LHX8: variants seen among roughly 807,000 people sequenced by gnomAD.
LHX8 encodes LIM/homeobox protein Lhx8.
Under a neutral mutation model 40.3 loss-of-function variants are expected in LHX8, and 12 were observed. The ratio of observed to expected loss-of-function variants is 0.30; its 90% CI spans 0.19 to 0.48. The LOEUF is 0.48. LHX8 is among the 20% of genes least tolerant of loss of function. The pLI is 0.99. For missense variants in LHX8, 344 were observed against 433.7 expected, an observed-to-expected ratio of 0.79 and a Z score of 1.84; for synonymous variants, 179 against 162.0, an observed-to-expected ratio of 1.10 and a Z score of -0.80.
At chr1:75,163,178 A>C (rs972638876), downstream of LHX8, among the ~76,000 whole-genome samples, 12 of 152,138 alleles carry the variant, frequency 7.9e-5, no homozygotes, top group African/African-American at 2.9e-4. Context: ...ATTCCACATC[A>C]CTCGTTGTAA....
chr1:75,140,492 A>G (rs1526501), intron 3 of LHX8, among the ~76,000 whole-genome samples: 152,234 of 152,280 alleles, frequency 1, 76,094 homozygotes, highest in Middle Eastern at 1. Context: ...ATAAACCTGC[A>G]TTTTCACTTT....
the LHX8 span, among the ~76,000 whole-genome samples, chr1:75,195,230 G>T: frequency 1.3e-5 from 2 of 152,114 alleles, no homozygotes; most frequent in African/African-American, 2.4e-5. Context: ...GGCAGGTGTT[G>T]TCCCAGTTTT....
rs991346386 is a variant in LHX8, at chr1:75,134,862, T to A, written c.-105T>A. 3.1e-6 allele frequency: 3 copies of A among 973,716 alleles called. No homozygotes were observed. The African/African-American group carries it at 5.3e-5, about 17-fold the overall frequency. The allele number at this position is 973,716 out of a possible 1,614,324, so 60.3% of individuals were successfully genotyped here. ...ACGTAGTAGCGTTAGTCAGTAATCA[T>A]TGCACTCCCTCCCCAAAAGCTCACT... On this transcript the variant is annotated 5_prime_UTR_variant, in exon 1 of 9. The change creates a new upstream start codon in the 5' untranslated region. Transcript: ENST00000356261.
the LHX8 span, among the ~76,000 whole-genome samples, chr1:75,172,348 T>C: frequency 3.3e-5 from 5 of 152,198 alleles, no homozygotes; most frequent in Admixed American, 6.5e-5. Context: ...AAATAGGAGA[T>C]TTCAAAAGAG....
chr1:75,130,617 T>A, upstream of LHX8: 1 of 1,133,460 alleles, frequency 8.8e-7, no homozygotes, highest in East Asian at 2.3e-5. Flanking sequence ...ACCCCTCTCT[T>A]ACCCTCAGAA....
chr1:75,182,150 T>C, the LHX8 span, among the ~76,000 whole-genome samples: 3 of 152,190 alleles, frequency 2.0e-5, no homozygotes, highest in Non-Finnish European at 4.4e-5. Flanking sequence ...TTTAAGTCTT[T>C]GGTCCATCAT....
the LHX8 span, among the ~76,000 whole-genome samples, chr1:75,190,947 T>C: frequency 6.6e-6 from 1 of 152,190 alleles, no homozygotes; most frequent in Non-Finnish European, 1.5e-5. Context: ...GATAGTTACA[T>C]GACTCTGTTT....
chr1:75,137,952 A>T (rs2100333369), intron 3 of LHX8, among the ~76,000 whole-genome samples: 1 of 152,344 alleles, frequency 6.6e-6, no homozygotes, highest in South Asian at 2.1e-4. Context: ...TGCTGTTGTT[A>T]CATCATCTTG....
At chr1:75,179,956 T>A in the LHX8 span, among the ~76,000 whole-genome samples, 1 of 152,168 alleles carries the variant, frequency 6.6e-6, no homozygotes, top group Admixed American at 6.5e-5. Flanking sequence ...TGAAGCTTAG[T>A]TTAGCTGGAT....
chr1:75,182,324 T>C, the LHX8 span, among the ~76,000 whole-genome samples: 1 of 152,116 alleles, frequency 6.6e-6, no homozygotes, highest in Non-Finnish European at 1.5e-5. Flanking sequence ...TTTAGCTTTA[T>C]TTCTAGGTTC....
chr1:75,172,068 C>T, the LHX8 span, among the ~76,000 whole-genome samples: 2 of 152,116 alleles, frequency 1.3e-5, no homozygotes, highest in South Asian at 4.1e-4. Flanking sequence ...CCAAAGCTTC[C>T]CCCATCTTTC....
At chr1:75,143,377 A>G in intron 5 of LHX8, 39 bp downstream of exon 5, 2 of 1,445,906 alleles carry the variant, frequency 1.4e-6, no homozygotes, top group Non-Finnish European at 1.9e-6. Flanking sequence ...CTTTTGAGAC[A>G]GTGAATACAG....
At chr1:75,198,502 A>G in the LHX8 span, among the ~76,000 whole-genome samples, 1 of 152,156 alleles carries the variant, frequency 6.6e-6, no homozygotes. Context: ...GGCTTGCTTC[A>G]GTTGTCAGTT....
upstream of LHX8, chr1:75,130,562 G>A (rs544622897): frequency 2.6e-6 from 2 of 776,882 alleles, no homozygotes; most frequent in East Asian, 4.9e-5. Flanking sequence ...CCCAGACGGA[G>A]GCCCTCGCCC....
chr1:75,178,242 G>A, the LHX8 span, among the ~76,000 whole-genome samples: 10 of 152,170 alleles, frequency 6.6e-5, no homozygotes, highest in Non-Finnish European at 1.0e-4. Context: ...TAGTTTAGAA[G>A]GAATGGTACC....
the LHX8 span, among the ~76,000 whole-genome samples, chr1:75,168,195 G>T: frequency 6.6e-6 from 1 of 152,144 alleles, no homozygotes; most frequent in African/African-American, 2.4e-5. Flanking sequence ...GGCCAGAATG[G>T]TCGGATAGGT....
the LHX8 span, among the ~76,000 whole-genome samples, chr1:75,168,291 C>T: frequency 2.0e-5 from 3 of 151,832 alleles, no homozygotes; most frequent in South Asian, 2.1e-4. Flanking sequence ...GGTGTGGTCT[C>T]GGCTCACTGC....
the LHX8 span, among the ~76,000 whole-genome samples, chr1:75,184,842 T>A: frequency 3.4e-5 from 5 of 145,794 alleles, no homozygotes; most frequent in African/African-American, 5.0e-5. Flanking sequence ...TTTGGAAAAT[T>A]AATAAAATAG....
At chr1:75,151,369 G>A (rs964420451) in intron 7 of LHX8, among the ~76,000 whole-genome samples, 11 of 152,262 alleles carry the variant, frequency 7.2e-5, no homozygotes, top group Admixed American at 7.2e-4. Flanking sequence ...GGACTAATAA[G>A]CAATCTGAAA....
Sources: gnomAD v4.1 joint callset for allele counts (sites outside exome capture counted in the v4.1 genomes callset) on GRCh38, gnomAD v4.1.1 for gene constraint, MANE v1.5 for transcripts, NCBI Gene and HGNC (gene_info 2026-07-23, HGNC 2026-07-21) for gene names.